The following TENM2 variants were observed in gnomAD, a reference collection of about 807,000 sequenced individuals.
TENM2 encodes teneurin-2.
TENM2 carries 52 observed loss-of-function variants against 245.2 expected under a neutral mutation model. The ratio of observed to expected loss-of-function variants is 0.21; its 90% confidence interval spans 0.17 to 0.27. The LOEUF is 0.27. Ranked by LOEUF, TENM2 falls within the 10% of genes least tolerant of loss-of-function variation. The pLI, the probability that TENM2 is intolerant of heterozygous loss-of-function variation, is 1.00. For synonymous variants in TENM2, 1,363 were observed against 1,438.9 expected, an observed-to-expected ratio of 0.95 and a Z score of 1.19; for missense variants, 3,046 against 3,666.8, an observed-to-expected ratio of 0.83 and a Z score of 4.37.
intron 14 of TENM2, among the ~76,000 whole-genome samples, chr5:168,194,252 T>C (rs1336994228): frequency 6.6e-5 from 10 of 152,194 alleles, no homozygotes; most frequent in Non-Finnish European, 2.9e-5. Context: ...CTTCTCATTG[T>C]CCCATTTCTC....
intron 2 of TENM2, among the ~76,000 whole-genome samples, chr5:167,579,895 C>G (rs754325828): frequency 3.9e-5 from 6 of 152,142 alleles, no homozygotes; most frequent in Non-Finnish European, 8.8e-5. Context: ...TACATGATAT[C>G]CTGCAGGTTT....
At chr5:167,346,287 T>C (rs1479873046) in intron 1 of TENM2, among the ~76,000 whole-genome samples, 1 of 152,200 alleles carries the variant, frequency 6.6e-6, no homozygotes, top group Non-Finnish European at 1.5e-5. Context: ...CAATTACAGG[T>C]AAATGTAACT....
intron 2 of TENM2, among the ~76,000 whole-genome samples, chr5:167,864,748 T>A (rs961736521): frequency 1.3e-5 from 2 of 152,210 alleles, no homozygotes; most frequent in African/African-American, 4.8e-5. Context: ...ACTTTCTTCA[T>A]GTTTAAAATG....
chr5:167,791,810 C>T (rs1301862552), intron 2 of TENM2, among the ~76,000 whole-genome samples: 1 of 152,002 alleles, frequency 6.6e-6, no homozygotes, highest in African/African-American at 2.4e-5. Context: ...GCTCTTGAAA[C>T]ATCAGACAGC....
chr5:167,607,164 G>A (rs1455663623), intron 2 of TENM2, among the ~76,000 whole-genome samples: 1 of 152,038 alleles, frequency 6.6e-6, no homozygotes, highest in Non-Finnish European at 1.5e-5. Flanking sequence ...ACTTCTAATT[G>A]CAATACAGTA....
At chr5:167,541,023 C>T (rs564786109) in intron 2 of TENM2, among the ~76,000 whole-genome samples, 7 of 152,200 alleles carry the variant, frequency 4.6e-5, no homozygotes, top group East Asian at 3.9e-4. Context: ...GAAGTGGGAA[C>T]GGTACTATTT....
the TENM2 span, among the ~76,000 whole-genome samples, chr5:167,180,103 C>CTTTTTTTTTTTTT: frequency 2.6e-5 from 3 of 114,976 alleles, no homozygotes; most frequent in African/African-American, 1.3e-4. Context: ...TAAGTGCTTC[C>CTTTTTTTTTTTTT]TTTTTTTTTT....
At chr5:167,391,084 T>C (rs1260666011) in intron 2 of TENM2, among the ~76,000 whole-genome samples, 2 of 152,286 alleles carry the variant, frequency 1.3e-5, no homozygotes, top group East Asian at 3.9e-4. Flanking sequence ...ATCACATACC[T>C]ATCCATTATC....
intron 2 of TENM2, among the ~76,000 whole-genome samples, chr5:167,441,954 AC>A (rs1561958832): frequency 6.6e-6 from 1 of 151,752 alleles, no homozygotes; most frequent in Non-Finnish European, 1.5e-5. Context: ...TCTTGGGTAA[AC>A]CCCCTAAGCT....
the TENM2 span, among the ~76,000 whole-genome samples, chr5:167,230,809 T>G: frequency 6.6e-6 from 1 of 152,220 alleles, no homozygotes; most frequent in Non-Finnish European, 1.5e-5. Context: ...ATTCAAAAGC[T>G]GAGCATCAGC....
At chr5:167,649,070 C>T (rs1213683277) in intron 2 of TENM2, among the ~76,000 whole-genome samples, 2 of 152,084 alleles carry the variant, frequency 1.3e-5, no homozygotes, top group Admixed American at 1.3e-4. Flanking sequence ...TCTGTCACAC[C>T]ACAAAGAGTA....
intron 2 of TENM2, among the ~76,000 whole-genome samples, chr5:167,461,460 C>T (rs1246063703): frequency 6.6e-6 from 1 of 152,150 alleles, no homozygotes; most frequent in Non-Finnish European, 1.5e-5. Flanking sequence ...AGACTCACAG[C>T]AAAGCCTACT....
intron 3 of TENM2, among the ~76,000 whole-genome samples, chr5:167,920,505 C>T (rs530346018): frequency 4.8e-5 from 6 of 125,364 alleles, no homozygotes; most frequent in Admixed American, 2.6e-4. Context: ...GCAACAAGAG[C>T]GAAACTCCAT....
intron 27 of TENM2, among the ~76,000 whole-genome samples, chr5:168,256,519 G>A (rs953785286): frequency 8.0e-5 from 12 of 149,498 alleles, no homozygotes; most frequent in South Asian, 2.1e-4. Context: ...TCCACCTCCC[G>A]GGTTCAAGTG....
chr5:168,112,773 C>T (rs2152319114), intron 9 of TENM2, among the ~76,000 whole-genome samples: 1 of 152,212 alleles, frequency 6.6e-6, no homozygotes, highest in East Asian at 1.9e-4. Context: ...TTTGAGGGGT[C>T]ACCGAGCTTT....
chr5:167,138,814 C>T, the TENM2 span, among the ~76,000 whole-genome samples: 2 of 151,816 alleles, frequency 1.3e-5, no homozygotes, highest in Non-Finnish European at 2.9e-5. Context: ...GTAGAGACAG[C>T]GTTTCACCAT....
At chr5:168,143,464 T>TG (rs1445501930) in intron 12 of TENM2, among the ~76,000 whole-genome samples, 1 of 152,026 alleles carries the variant, frequency 6.6e-6, no homozygotes, top group Admixed American at 6.5e-5. Flanking sequence ...CAGGCAGAAG[T>TG]GGGGGGAAAA....
At chr5:167,248,376 C>CTA in the TENM2 span, among the ~76,000 whole-genome samples, 1 of 152,282 alleles carries the variant, frequency 6.6e-6, no homozygotes, top group South Asian at 2.1e-4. Context: ...TTCTCAAACT[C>CTA]CACTGTGTGT....
At chr5:167,554,890 C>T (rs767955894) in intron 2 of TENM2, among the ~76,000 whole-genome samples, 3 of 152,178 alleles carry the variant, frequency 2.0e-5, no homozygotes, top group Non-Finnish European at 4.4e-5. Flanking sequence ...CCTCCTCCAA[C>T]CTGTTCCAAT....
Sources: allele counts gnomAD v4.1 joint callset (sites outside exome capture counted in the v4.1 genomes callset), GRCh38; gene constraint gnomAD v4.1.1; transcripts MANE v1.5; gene names NCBI Gene and HGNC (gene_info 2026-07-23, HGNC 2026-07-21).